PTPRM: variants seen among roughly 807,000 people sequenced by gnomAD.
PTPRM encodes protein tyrosine phosphatase receptor type M, also known as receptor-type tyrosine-protein phosphatase mu.
In PTPRM, 47 loss-of-function variants were observed where a neutral mutation model predicts 186.7. That is an observed-to-expected ratio of 0.25 (90% confidence interval 0.20 to 0.32). The LOEUF (loss-of-function observed/expected upper bound fraction) is 0.32, where lower values mean the gene tolerates loss of function less well. Ranked by LOEUF, PTPRM falls within the 10% of genes least tolerant of loss-of-function variation. The probability of loss-of-function intolerance (pLI) is 1.00; values close to 1 mark genes in which losing one functional copy is unlikely to be tolerated. For missense variants in PTPRM, 1,494 were observed against 1,865.0 expected (o/e 0.80, Z 3.66); for synonymous variants, 668 against 674.9 (o/e 0.99, Z 0.16).
At chr18:8,399,886 T>A (rs1398539563) in intron 32 of PTPRM, 1 of 152,246 alleles carries the variant, frequency 6.6e-6, no homozygotes, top group Non-Finnish European at 1.5e-5. Context: ...CCAAATAGAA[T>A]GTAGCCGGAT....
intron 32 of PTPRM, 81 bp downstream of exon 32, chr18:8,394,692 A>G: frequency 8.6e-6 from 12 of 1,391,490 alleles, no homozygotes; most frequent in Admixed American, 2.4e-5. Context: ...TTGCAGGGAA[A>G]CTGATGCGTA....
rs1396685699 is a variant in PTPRM, at chr18:7,955,149, G to C, written c.867G>C (p.Gln289His). 1.2e-6 allele frequency: 2 copies of C among 1,611,038 alleles called. No homozygotes were observed. Among genetic ancestry groups the C allele is most frequent in the Non-Finnish European group, 1.7e-6 (2 of 1,177,516 alleles). ...CACCCGTTCCTATTGCCCCACCTCA[G>C]CTCGCCTCTGTAGGAGCCACCTACC... ...KEPPVPIAPPQLASVGATYLW... is the reference protein window; with the variant it reads ...KEPPVPIAPPHLASVGATYLW... Residue 289 changes from glutamine to histidine, a missense_variant, in exon 7 of 33, where the codon CAG becomes CAC. By Grantham distance (24) the Gln-to-His change is conservative (BLOSUM62 0). Transcript: ENST00000580170.
chr18:7,842,947 T>TATATATATAGAG lies in PTPRM; in HGVS notation c.197-45158_197-45157insTATATATAGAGA, dbSNP rs370746043. Among the ~76,000 whole-genome samples, 77 of 112,114 alleles carry TATATATATAGAG rather than the reference T, an allele frequency of 6.9e-4. 1 individual carries two copies. Among genetic ancestry groups the TATATATATAGAG allele is most frequent in the Middle Eastern group, 4.3e-3 (1 of 230 alleles). 73.6% of individuals were successfully genotyped at this position (112,114 alleles called of 152,430 possible). A position where few individuals can be genotyped will look rare whatever the true frequency, so the allele number is the denominator to read the frequency against. ...GTGTGTGTGTATATATATATATATATAGAGAGAGAGAGAGAGAGAGAGAGA... is the reference window on the plus strand; with the variant it reads ...GTGTGTGTGTATATATATATATATATATATATATAGAGAGAGAGAGAGAGAGAGAGAGAGAGA... On this transcript the variant is annotated intron_variant, in intron 2 of 32. Transcript: ENST00000580170.
At chr18:7,938,416 C>T (rs908034168) in intron 5 of PTPRM, among the ~76,000 whole-genome samples, 1 of 152,198 alleles carries the variant, frequency 6.6e-6, no homozygotes, top group Non-Finnish European at 1.5e-5. Flanking sequence ...CACTGCCACT[C>T]TCCCCATACT....
At chr18:7,822,610 T>A (rs1174757498) in intron 2 of PTPRM, among the ~76,000 whole-genome samples, 1 of 152,236 alleles carries the variant, frequency 6.6e-6, no homozygotes, top group Non-Finnish European at 1.5e-5. Flanking sequence ...TCCAGCTTGT[T>A]CTGCATTGTC....
intron 15 of PTPRM, among the ~76,000 whole-genome samples, chr18:8,245,177 T>A (rs1325370647): frequency 1.3e-5 from 2 of 152,156 alleles, no homozygotes; most frequent in African/African-American, 4.8e-5. Flanking sequence ...TCCCCTCCAC[T>A]CCTCCTCTTC....
chr18:7,647,973 A>ATAT (rs111299047), intron 1 of PTPRM, among the ~76,000 whole-genome samples: 99 of 152,214 alleles, frequency 6.5e-4, no homozygotes, highest in African/African-American at 2.3e-3. Flanking sequence ...CGTTTCATAG[A>ATAT]TATACTTTTT....
At chr18:7,871,573 A>G (rs896909175) in intron 2 of PTPRM, among the ~76,000 whole-genome samples, 1 of 152,190 alleles carries the variant, frequency 6.6e-6, no homozygotes, top group African/African-American at 2.4e-5. Context: ...CAGGCTCACA[A>G]ATGTTTGTGG....
intron 10 of PTPRM, among the ~76,000 whole-genome samples, chr18:8,086,648 G>A (rs768589285): frequency 2.2e-4 from 34 of 152,200 alleles, no homozygotes; most frequent in Non-Finnish European, 4.6e-4. Flanking sequence ...CTTGTTATCA[G>A]CCATGGTTAG....
At chr18:8,261,135 T>C (rs1568622163) in intron 19 of PTPRM, among the ~76,000 whole-genome samples, 1 of 152,226 alleles carries the variant, frequency 6.6e-6, no homozygotes, top group Non-Finnish European at 1.5e-5. Flanking sequence ...CTGCTTCATA[T>C]TTCGAGGGAC....
At chr18:8,298,715 G>C (rs546153835) in intron 20 of PTPRM, among the ~76,000 whole-genome samples, 1 of 152,202 alleles carries the variant, frequency 6.6e-6, no homozygotes, top group African/African-American at 2.4e-5. Context: ...GAGGGATAAA[G>C]AGGGTTAAAG....
intron 7 of PTPRM, among the ~76,000 whole-genome samples, chr18:7,994,265 AACACACACAC>A (rs71165762): frequency 2.2e-4 from 33 of 149,002 alleles, no homozygotes; most frequent in South Asian, 4.3e-4. Flanking sequence ...GGATATAAAT[AACACACACAC>A]ACACACACAC....
chr18:8,113,555 C>T lies in PTPRM; in HGVS notation c.1926C>T (p.Cys642=), dbSNP rs1568362456. The change falls in exon 12 of 33, where the codon TGC becomes TGT. Residue 642 remains cysteine, a synonymous_variant. Transcript: ENST00000580170. The part of the protein sequence containing the change: ...RTKKTTEILK[C]YPVPIHFQNA... The stretch of plus-strand genomic sequence containing the variant: ...AAAAGACGACAGAAATCTTAAAGTG[C>T]TACCCAGTGCCAATTCACTTCCAGA... The T allele has an allele frequency of 6.2e-7, 1 of 1,613,796 alleles. No individual in the cohort carries two copies.
intron 1 of PTPRM, among the ~76,000 whole-genome samples, chr18:7,717,896 GCTTGTTGACT>G (rs1461724014): frequency 6.6e-6 from 1 of 152,136 alleles, no homozygotes. Context: ...CCTTTCCAGT[GCTTGTTGACT>G]CCAGTTCCCG....
chr18:7,950,105 T>C (rs2052838809), intron 6 of PTPRM, among the ~76,000 whole-genome samples: 1 of 152,186 alleles, frequency 6.6e-6, no homozygotes, highest in South Asian at 2.1e-4. Context: ...TAAGAAAAGT[T>C]TTCCCTGCAT....
intron 19 of PTPRM, among the ~76,000 whole-genome samples, chr18:8,287,513 A>G (rs541340884): frequency 2.0e-5 from 3 of 152,346 alleles, no homozygotes; most frequent in South Asian, 2.1e-4. Context: ...GGCTACTGCA[A>G]TAATGCAGGC....
chr18:8,223,126 A>T (rs1211317699), intron 14 of PTPRM, among the ~76,000 whole-genome samples: 1 of 152,188 alleles, frequency 6.6e-6, no homozygotes, highest in African/African-American at 2.4e-5. Context: ...CGAGAGGCTT[A>T]GGCAGGATAA....
intron 1 of PTPRM, among the ~76,000 whole-genome samples, chr18:7,708,027 T>C (rs991812408): frequency 2.0e-5 from 3 of 152,236 alleles, no homozygotes; most frequent in African/African-American, 7.2e-5. Context: ...AATATGCTAC[T>C]CAAAAGTGTT....
intron 5 of PTPRM, among the ~76,000 whole-genome samples, chr18:7,943,682 C>T (rs950675122): frequency 1.3e-5 from 2 of 151,918 alleles, no homozygotes; most frequent in South Asian, 4.2e-4. Context: ...ATTCTAGAAA[C>T]CTCCCTCATA....
Sources: gnomAD v4.1 joint callset for allele counts (sites outside exome capture counted in the v4.1 genomes callset) on GRCh38, gnomAD v4.1.1 for gene constraint, MANE v1.5 for transcripts, NCBI Gene and HGNC (gene_info 2026-07-23, HGNC 2026-07-21) for gene names.